Variants in NCKAP1L observed in about 807,000 individuals in gnomAD.
NCKAP1L encodes the protein nck-associated protein 1-like.
In NCKAP1L, 53 loss-of-function variants were observed where a neutral mutation model predicts 139.2. The ratio of observed to expected loss-of-function variants is 0.38; its 90% CI spans 0.31 to 0.48. The LOEUF is 0.48. Ranked by LOEUF, NCKAP1L falls within the 20% of genes least tolerant of loss-of-function variation. The pLI is 0.98. For synonymous variants in NCKAP1L, 468 were observed against 499.7 expected, an observed-to-expected ratio of 0.94 and a Z score of 0.85; for missense variants, 1,151 against 1,381.9, an observed-to-expected ratio of 0.83 and a Z score of 2.65.
Position 54,542,793 on chromosome 12 carries a change from GGA to G in NCKAP1L, c.*114_*115del. 1.4e-6 allele frequency: 1 copy of G among 722,802 alleles called. No individual in the cohort carries two copies. Among genetic ancestry groups the G allele is most frequent in the Non-Finnish European group, 2.4e-6 (1 of 413,132 alleles). 44.8% of individuals were successfully genotyped at this position (722,802 alleles called of 1,614,324 possible). ...GGTGGGAATGGGGTGGGGTCACTAAGGAGAGAGGGTCAGGAGCCAGAGTTGAT... is the reference window on the plus strand; with the variant it reads ...GGTGGGAATGGGGTGGGGTCACTAAGGAGAGGGTCAGGAGCCAGAGTTGAT... On this transcript the variant is annotated 3_prime_UTR_variant, in exon 31 of 31. Transcript: ENST00000293373.
intron 22 of NCKAP1L, among the ~76,000 whole-genome samples, chr12:54,529,168 A>G (rs887824797): frequency 6.6e-6 from 1 of 152,208 alleles, no homozygotes; most frequent in Non-Finnish European, 1.5e-5. Flanking sequence ...AACTTGCCTA[A>G]GTCCACACAT....
intron 3 of NCKAP1L, among the ~76,000 whole-genome samples, chr12:54,502,823 C>CAAAAAAAAAAA (rs780466592): frequency 3.5e-5 from 2 of 57,944 alleles, no homozygotes; most frequent in African/African-American, 7.1e-5. Flanking sequence ...CCCATCTACA[C>CAAAAAAAAAAA]AAAAAAAAAA....
intron 10 of NCKAP1L, among the ~76,000 whole-genome samples, chr12:54,516,532 ATC>A (rs1956933613): frequency 6.8e-6 from 1 of 147,638 alleles, no homozygotes; most frequent in Non-Finnish European, 1.5e-5. Flanking sequence ...TGCAACCTCC[ATC>A]TCCTGGGTTC....
intron 18 of NCKAP1L, among the ~76,000 whole-genome samples, chr12:54,522,883 A>G (rs1956995802): frequency 6.6e-6 from 1 of 152,202 alleles, no homozygotes; most frequent in Non-Finnish European, 1.5e-5. Flanking sequence ...TACTTAAAAA[A>G]AAAGTGGAAA....
intron 22 of NCKAP1L, among the ~76,000 whole-genome samples, chr12:54,529,498 G>T (rs189165716): frequency 6.6e-6 from 1 of 152,104 alleles, no homozygotes; most frequent in Non-Finnish European, 1.5e-5. Context: ...TTCCAGTGAC[G>T]CTGTCCTCTC....
rs1186635327 is a variant in NCKAP1L at position 54,500,739 on chromosome 12, C to T, written c.306+114C>T. 8.3e-6 allele frequency: 6 copies of T among 721,178 alleles called. No individual in the cohort carries two copies. The East Asian group carries it at 1.0e-4, about 12-fold the overall frequency. 44.7% of individuals were successfully genotyped at this position (721,178 alleles called of 1,614,324 possible). A position where few individuals can be genotyped will look rare whatever the true frequency, so the allele number is the denominator to read the frequency against. On this transcript the variant is annotated intron_variant, in intron 3 of 30. Transcript: ENST00000293373. Reference sequence around the variant, plus strand: ...TTCTTGAAAAAATGAGAGAGATGTACTAATATGGAAGGATATCTAAGTTGT... The same window carrying T: ...TTCTTGAAAAAATGAGAGAGATGTATTAATATGGAAGGATATCTAAGTTGT...
chr12:54,536,357 C>T (rs1957112668), intron 28 of NCKAP1L, 112 bp downstream of exon 28: 3 of 832,414 alleles, frequency 3.6e-6, no homozygotes, highest in Non-Finnish European at 5.9e-6. Flanking sequence ...GTGTAAAGTT[C>T]TGTTTCAAAA....
Position 54,517,844 on chromosome 12 carries a change from G to A in NCKAP1L, c.1244G>A (p.Arg415Lys), listed in dbSNP as rs1422339149. The A allele has an allele frequency of 6.2e-7, 1 of 1,614,112 alleles. No individual in the cohort carries two copies. The highest frequency in any genetic ancestry group is 8.5e-7 in the Non-Finnish European group (1 of 1,180,026). Residue 415 changes from arginine to lysine, a missense_variant, in exon 13 of 31, where the codon AGG becomes AAG. By Grantham distance (26) the Arg-to-Lys change is conservative. Transcript: ENST00000293373. Reference protein sequence around the residue: ...AELLFLLEGIRSLVRRHIKVI... With the variant: ...AELLFLLEGIKSLVRRHIKVI... ...CTACTTTTCTTGTTGGAGGGGATTA[G>A]GTCTCTGGTCCGAAGACACATCAAA... is the stretch of plus-strand genomic sequence containing the variant.
chr12:54,534,507 C>A (rs541583174), intron 26 of NCKAP1L, among the ~76,000 whole-genome samples: 2 of 152,084 alleles, frequency 1.3e-5, no homozygotes, highest in Non-Finnish European at 2.9e-5. Context: ...GTGGTACCAA[C>A]GTAAGGAGGG....
intron 3 of NCKAP1L, 109 bp from the exon 4 acceptor site, chr12:54,507,742 TTG>T: frequency 1.1e-6 from 1 of 949,094 alleles, no homozygotes; most frequent in Non-Finnish European, 1.7e-6. Flanking sequence ...TCTCTGTTAC[TTG>T]GTGGCTTTCT....
At chr12:54,520,197 A>G (rs1592345205) in intron 16 of NCKAP1L, among the ~76,000 whole-genome samples, 1 of 152,362 alleles carries the variant, frequency 6.6e-6, no homozygotes, top group East Asian at 1.9e-4. Context: ...AAGGACATCA[A>G]CATAGTACTT....
At chr12:54,532,074 T>C in intron 25 of NCKAP1L, 96 bp from the exon 26 acceptor site, 3 of 1,000,256 alleles carry the variant, frequency 3.0e-6, no homozygotes, top group East Asian at 2.5e-5. Context: ...CTTATCTAAA[T>C]TGAGTGCCCC....
At chr12:54,501,943 G>A (rs1274715404) in intron 3 of NCKAP1L, among the ~76,000 whole-genome samples, 6 of 152,110 alleles carry the variant, frequency 3.9e-5, no homozygotes, top group African/African-American at 1.4e-4. Context: ...GTGGGTGTGA[G>A]GTATTATCTC....
At chr12:54,498,315 GA>G (rs1004836262) in intron 1 of NCKAP1L, among the ~76,000 whole-genome samples, 2 of 151,000 alleles carry the variant, frequency 1.3e-5, no homozygotes, top group Non-Finnish European at 3.0e-5. Context: ...TCCCTAAAAG[GA>G]AAAAAAATAG....
At chr12:54,520,554 T>G (rs1162082312) in intron 16 of NCKAP1L, 140 bp from the exon 17 acceptor site, 10 of 840,656 alleles carry the variant, frequency 1.2e-5, no homozygotes, top group Non-Finnish European at 1.9e-5. Context: ...TATCGGTAAA[T>G]GTTTTTTGAA....
At chr12:54,521,388 G>T in intron 18 of NCKAP1L, 150 bp downstream of exon 18, 1 of 1,082,280 alleles carries the variant, frequency 9.2e-7, no homozygotes, top group Admixed American at 2.6e-5. Flanking sequence ...GTTTATGGCA[G>T]AATTCTTTTC....
Position 54,517,920 on chromosome 12 carries a change from G to C in NCKAP1L, c.1320G>C (p.Val440=). Residue 440 remains valine (V), a synonymous_variant, in exon 13 of 31, where the codon GTG becomes GTC. Coordinates refer to ENST00000293373, the MANE Select transcript of NCKAP1L (RefSeq NM_005337.5). ...LQYLARFDAL[V]LSDIIQNLSV... is the part of the protein sequence containing the mutation. ...ACTTGGCAAGATTTGATGCTCTTGT[G>C]CTCAGTGACATCATTCAGGTATGAT... 6.2e-7 allele frequency: 1 copy of C among 1,614,114 alleles called. No homozygotes were observed. The highest frequency in any genetic ancestry group is 8.5e-7 in the Non-Finnish European group (1 of 1,180,034).
rs76760582 is a variant in NCKAP1L, at chr12:54,524,221, G to A, written c.2156+265G>A. 3.2e-3 allele frequency among the ~76,000 whole-genome samples: 483 copies of A among 152,272 alleles called. 1 individual carries two copies. The highest frequency in any genetic ancestry group is 0.011 in the African/African-American group (459 of 41,550). Reference sequence around the variant, plus strand: ...CCACTGGTTTAGTAGAATGAGCAAGGCCTTTGCAGTGAGCAGACCTGTGTT... The same window carrying A: ...CCACTGGTTTAGTAGAATGAGCAAGACCTTTGCAGTGAGCAGACCTGTGTT... On this transcript the variant is annotated intron_variant, in intron 20 of 30. Coordinates refer to ENST00000293373, the MANE Select transcript of NCKAP1L (RefSeq NM_005337.5).
chr12:54,521,886 A>ATGTG (rs34410189), intron 18 of NCKAP1L, among the ~76,000 whole-genome samples: 6,490 of 147,250 alleles, frequency 0.044, 204 homozygotes, highest in Admixed American at 0.077. Flanking sequence ...GAGTGTGTGT[A>ATGTG]TGTGTGTGTG....
Sources: gnomAD v4.1 joint callset for allele counts (sites outside exome capture counted in the v4.1 genomes callset) on GRCh38, gnomAD v4.1.1 for gene constraint, MANE v1.5 for transcripts, NCBI Gene and HGNC (gene_info 2026-07-23, HGNC 2026-07-21) for gene names.